MBNL3: variants seen among roughly 807,000 people sequenced by gnomAD.
The protein encoded by MBNL3 is muscleblind like splicing regulator 3, also known as muscleblind-like protein 3.
In MBNL3, 6 loss-of-function variants were observed where a neutral mutation model predicts 24.5. That is an observed-to-expected ratio of 0.25 (90% confidence interval 0.13 to 0.48). The LOEUF is 0.48. MBNL3 is among the 20% of genes least tolerant of loss of function. The pLI is 0.99. For missense variants in MBNL3, 230 were observed against 293.5 expected, an observed-to-expected ratio of 0.78 and a Z score of 1.58; for synonymous variants, 100 against 101.7, an observed-to-expected ratio of 0.98 and a Z score of 0.10.
Position 132,391,143 on chromosome X carries a change from T to G in MBNL3, c.535-60A>C, listed in dbSNP as rs112481510. The stretch of plus-strand genomic sequence containing the variant: ...CACTGATGACTGGAAGCTGACTGGC[T>G]TTTATTTATTTTGCTAGTGAATGTA... On this transcript the variant is annotated intron_variant, in intron 4 of 8. Coordinates refer to ENST00000370853, the MANE Select transcript of MBNL3 (RefSeq NM_001386889.1). 5 of 860,231 alleles carry G rather than the reference T, an allele frequency of 5.8e-6. No homozygotes were observed. In the African/African-American group the frequency reaches 5.9e-5, roughly 10 times the overall value. 70.9% of individuals were successfully genotyped at this position (860,231 alleles called of 1,213,427 possible). A position where few individuals can be genotyped will look rare whatever the true frequency, so the allele number is the denominator to read the frequency against.
At chrX:132,398,722 T>G (rs1049514741) in intron 3 of MBNL3, among the ~76,000 whole-genome samples, 1 of 111,301 alleles carries the variant, frequency 9.0e-6, no homozygotes, top group Non-Finnish European at 1.9e-5. Context: ...CTGGAGACTA[T>G]TTATGAACAT....
chrX:132,470,651 A>G (rs1402763957), intron 1 of MBNL3, among the ~76,000 whole-genome samples: 3 of 112,089 alleles, frequency 2.7e-5, no homozygotes, highest in African/African-American at 9.7e-5. Flanking sequence ...TATTACTGAC[A>G]ATATTGTGCC....
At position 132,372,711 on chromosome X, in the gene MBNL3, T is replaced by G. The variant is rs1933729020; in HGVS notation, c.*6955A>C. On this transcript the variant is annotated 3_prime_UTR_variant, in exon 9 of 9. Transcript: ENST00000370853. ...AGATAAATCTTTAGGTTGTGTGTTTTCAGAGAAAAAAGCACTGCTTAATAG... is the reference window on the plus strand; with the variant it reads ...AGATAAATCTTTAGGTTGTGTGTTTGCAGAGAAAAAAGCACTGCTTAATAG... 1 of 110,663 alleles carries G rather than the reference T, an allele frequency of 9.0e-6. No individual in the cohort carries two copies. Among genetic ancestry groups the G allele is most frequent in the African/African-American group, 3.3e-5 (1 of 30,614 alleles). The allele number at this position is 110,663 out of a possible 1,213,427, so 9.1% of individuals were successfully genotyped here. A position where few individuals can be genotyped will look rare whatever the true frequency, so the allele number is the denominator to read the frequency against.
chrX:132,426,485 C>T (rs765326696), intron 2 of MBNL3, among the ~76,000 whole-genome samples: 1 of 111,599 alleles, frequency 9.0e-6, no homozygotes, highest in Non-Finnish European at 1.9e-5. Flanking sequence ...CTCTTTTTTT[C>T]TGTCATTTTT....
intron 1 of MBNL3, among the ~76,000 whole-genome samples, chrX:132,449,026 T>C (rs1008761182): frequency 2.7e-5 from 3 of 112,231 alleles, no homozygotes; most frequent in Non-Finnish European, 5.6e-5. Flanking sequence ...TCCTTTCTTT[T>C]GCATTTGCTG....
At position 132,376,383 on chromosome X, in the gene MBNL3, T is replaced by C. The variant is rs1014465818; in HGVS notation, c.*3283A>G. 37 of 111,920 alleles carry C rather than the reference T, an allele frequency of 3.3e-4. No homozygotes were observed. The highest frequency in any genetic ancestry group is 1.1e-3 in the African/African-American group (35 of 30,869). The allele number at this position is 111,920 out of a possible 1,213,427, so 9.2% of individuals were successfully genotyped here. ...TTAATCTTAATCCCTCTTTAAAATA[T>C]ACGTATGTTATGGTCACATAGTACT... On this transcript the variant is annotated 3_prime_UTR_variant, in exon 9 of 9. Transcript: ENST00000370853.
Position 132,379,597 on chromosome X carries a change from G to T in MBNL3, c.*69C>A. ...GTTGTGTTGGTAGAATAAGACATAC[G>T]AGAATATATATAGAAAGGCCATATG... On this transcript the variant is annotated 3_prime_UTR_variant, in exon 9 of 9. Coordinates refer to ENST00000370853, the MANE Select transcript of MBNL3 (RefSeq NM_001386889.1). The T allele has an allele frequency of 9.1e-7, 1 of 1,097,624 alleles. No homozygotes were observed. Among genetic ancestry groups the T allele is most frequent in the South Asian group, 2.1e-5 (1 of 48,049 alleles). 90.5% of individuals were successfully genotyped at this position (1,097,624 alleles called of 1,213,427 possible).
At position 132,406,357 on chromosome X, in the gene MBNL3, G is replaced by A; in HGVS notation, c.213C>T (p.His71=). ...RCTRENCKYL[H]PPPHLKTQLE... is the part of the protein sequence containing the mutation. Reference sequence around the variant, plus strand: ...GCTGCGTTTTTAAGTGTGGAGGAGGGTGAAGGTACTTGCAGTTCTCTCGGG... The same window carrying A: ...GCTGCGTTTTTAAGTGTGGAGGAGGATGAAGGTACTTGCAGTTCTCTCGGG... The change falls in exon 3 of 9, where the codon CAC becomes CAT. Residue 71 remains histidine, a synonymous_variant. Transcript: ENST00000370853. The A allele has an allele frequency of 1.7e-6, 2 of 1,207,992 alleles. No individual in the cohort carries two copies. Among genetic ancestry groups the A allele is most frequent in the Non-Finnish European group, 1.1e-6 (1 of 892,875 alleles).
intron 5 of MBNL3, 113 bp downstream of exon 5, chrX:132,390,734 T>C (rs1001730193): frequency 1.1e-5 from 6 of 556,537 alleles, no homozygotes; most frequent in African/African-American, 4.6e-5. Flanking sequence ...TGACTGTTCA[T>C]ATTAAGGTCC....
At chrX:132,387,315 C>G (rs1192503756) in intron 5 of MBNL3, among the ~76,000 whole-genome samples, 5 of 91,590 alleles carry the variant, frequency 5.5e-5, no homozygotes, top group Non-Finnish European at 1.1e-4. Context: ...ACTACATGAG[C>G]AGTAGTGCAA....
At chrX:132,391,361 A>C (rs897164167) in intron 4 of MBNL3, among the ~76,000 whole-genome samples, 5 of 112,217 alleles carry the variant, frequency 4.5e-5, no homozygotes, top group Non-Finnish European at 7.5e-5. Context: ...ACTGAAAACC[A>C]GTTTTAATTC....
chrX:132,458,503 G>A lies in MBNL3; in HGVS notation c.-703-18189C>T, dbSNP rs1029008038. ...TCCAAGATTAGGCAGTCCTTCTGGC[G>A]TGGGCTTTGTGCTGCTTCAACTCAT... On this transcript the variant is annotated intron_variant, in intron 1 of 8. Transcript: ENST00000370853. 1.3e-4 allele frequency among the ~76,000 whole-genome samples: 14 copies of A among 110,896 alleles called. No individual in the cohort carries two copies. The East Asian group carries it at 3.1e-3, about 25-fold the overall frequency.
rs747888882 is a variant in MBNL3 at position 132,439,616 on chromosome X, A to G, written c.-5T>C. The G allele has an allele frequency of 2.4e-5, 28 of 1,190,407 alleles. No individual in the cohort carries two copies. In the African/African-American group the frequency reaches 4.6e-4, roughly 20 times the overall value. On this transcript the variant is annotated 5_prime_UTR_variant, in exon 2 of 9. Transcript: ENST00000370853. Reference sequence around the variant, plus strand: ...GGCAACATTGACAGCCGTCATATTGAAAGCAAAATTAAAATCCAATGTACC... The same window carrying G: ...GGCAACATTGACAGCCGTCATATTGGAAGCAAAATTAAAATCCAATGTACC...
At chrX:132,440,483 T>C (rs952708779) in intron 1 of MBNL3, among the ~76,000 whole-genome samples, 169 bp from the exon 2 acceptor site, 6 of 111,752 alleles carry the variant, frequency 5.4e-5, no homozygotes, top group African/African-American at 9.7e-5. Flanking sequence ...CATTTCCCAG[T>C]ATAAAACTGT....
intron 3 of MBNL3, among the ~76,000 whole-genome samples, chrX:132,404,564 C>A (rs779251773): frequency 8.9e-6 from 1 of 112,160 alleles, no homozygotes; most frequent in Admixed American, 9.4e-5. Flanking sequence ...CAAGGCAAAA[C>A]TTTTTGGTAA....
rs1569405736 is a variant in MBNL3, at chrX:132,379,488, T to C, written c.*178A>G. On this transcript the variant is annotated 3_prime_UTR_variant, in exon 9 of 9. Transcript: ENST00000370853. Reference sequence around the variant, plus strand: ...ATTTGTGTTGTTTTAACATCTCCATTGATTTTTAATGCTTTATTTTTTATT... The same window carrying C: ...ATTTGTGTTGTTTTAACATCTCCATCGATTTTTAATGCTTTATTTTTTATT... The C allele has an allele frequency of 1.2e-5, 5 of 411,757 alleles. No individual in the cohort carries two copies. Among genetic ancestry groups the C allele is most frequent in the Non-Finnish European group, 1.6e-5 (4 of 247,480 alleles). The allele number at this position is 411,757 out of a possible 1,213,427, so 33.9% of individuals were successfully genotyped here.
chrX:132,447,825 T>C (rs1207314502), intron 1 of MBNL3, among the ~76,000 whole-genome samples: 3 of 112,445 alleles, frequency 2.7e-5, no homozygotes, highest in African/African-American at 9.7e-5. Flanking sequence ...CCTTGTCTTG[T>C]GCTGGTTTTC....
At chrX:132,487,983 G>A (rs1005285319) in intron 1 of MBNL3, among the ~76,000 whole-genome samples, 3 of 111,886 alleles carry the variant, frequency 2.7e-5, no homozygotes, top group African/African-American at 9.8e-5. Flanking sequence ...AAAGCAGGGA[G>A]TCCGCTTAAT....
At chrX:132,426,324 C>T (rs1944302432) in intron 2 of MBNL3, among the ~76,000 whole-genome samples, 1 of 111,806 alleles carries the variant, frequency 8.9e-6, no homozygotes, top group Admixed American at 9.4e-5. Flanking sequence ...GGGAAATATC[C>T]ACTGCTTTCT....
Sources: gnomAD v4.1 joint callset for allele counts (sites outside exome capture counted in the v4.1 genomes callset) on GRCh38, gnomAD v4.1.1 for gene constraint, MANE v1.5 for transcripts, NCBI Gene and HGNC (gene_info 2026-07-23, HGNC 2026-07-21) for gene names.